Variants in CYP4F12 observed in about 807,000 individuals in gnomAD.
The protein encoded by CYP4F12 is cytochrome P450 4F12.
Under a neutral mutation model 56.5 loss-of-function variants are expected in CYP4F12, and 60 were observed. The ratio of observed to expected loss-of-function variants is 1.06; its 90% CI spans 0.86 to 1.32. CYP4F12 has a LOEUF of 1.32. CYP4F12 is among the 40% of genes most tolerant of loss of function. The pLI, the probability that CYP4F12 is intolerant of heterozygous loss-of-function variation, is 0.00. For missense variants in CYP4F12, 711 were observed against 683.5 expected (o/e 1.04, Z -0.45); for synonymous variants, 263 against 264.9 (o/e 0.99, Z 0.07).
chr19:15,690,805 C>T (rs945527929), intron 9 of CYP4F12, among the ~76,000 whole-genome samples: 1 of 152,190 alleles, frequency 6.6e-6, no homozygotes, highest in East Asian at 1.9e-4. Flanking sequence ...CTTGACATTC[C>T]TGCTATCCCA....
chr19:15,683,858 G>C, intron 7 of CYP4F12, 95 bp downstream of exon 7: 1 of 1,449,896 alleles, frequency 6.9e-7, no homozygotes, highest in Non-Finnish European at 9.1e-7. Flanking sequence ...AGGGCACTGG[G>C]AGCCATGGAA....
chr19:15,677,127 A>ACTCACTCATTCC (rs2006989797), intron 2 of CYP4F12, among the ~76,000 whole-genome samples: 2 of 8,894 alleles, frequency 2.2e-4, no homozygotes, highest in African/African-American at 3.6e-4. Flanking sequence ...TCACTCATTC[A>ACTCACTCATTCC]TATCCTCACT....
chr19:15,695,583 A>T (rs1281729157), intron 9 of CYP4F12, among the ~76,000 whole-genome samples: 1 of 151,558 alleles, frequency 6.6e-6, no homozygotes, highest in Non-Finnish European at 1.5e-5. Flanking sequence ...GCATCACGCT[A>T]AATAAGAGCA....
intron 9 of CYP4F12, among the ~76,000 whole-genome samples, chr19:15,685,763 C>T (rs1156274451): frequency 1.3e-5 from 2 of 152,160 alleles, no homozygotes; most frequent in African/African-American, 4.8e-5. Context: ...CCCTTCACTC[C>T]TTTCTTGTTT....
chr19:15,683,871 T>G lies in CYP4F12; in HGVS notation c.918+108T>G. 2.8e-6 allele frequency: 4 copies of G among 1,412,548 alleles called. 1 individual carries two copies. In the South Asian group the frequency reaches 6.3e-5, roughly 22 times the overall value. 87.5% of individuals were successfully genotyped at this position (1,412,548 alleles called of 1,614,324 possible). A position where few individuals can be genotyped will look rare whatever the true frequency, so the allele number is the denominator to read the frequency against. ...AAAGGGCACTGGGAGCCATGGAAGA[T>G]GCTTGAGAAAGGGAAGGTCACAGAT... On this transcript the variant is annotated intron_variant, in intron 7 of 12. Coordinates refer to ENST00000550308, the MANE Select transcript of CYP4F12 (RefSeq NM_023944.4).
chr19:15,682,167 A>T, intron 5 of CYP4F12: 1 of 475,972 alleles, frequency 2.1e-6, no homozygotes, highest in Non-Finnish European at 3.8e-6. Flanking sequence ...TAGGAGACAG[A>T]GCTGAGACTT....
rs149069327 is a variant in CYP4F12 at position 15,682,952 on chromosome 19, G to A, written c.647+442G>A. 3.1e-3 allele frequency among the ~76,000 whole-genome samples: 479 copies of A among 152,272 alleles called. 3 individuals carry two copies. Among genetic ancestry groups the A allele is most frequent in the African/African-American group, 0.01 (436 of 41,546 alleles). On this transcript the variant is annotated intron_variant, in intron 6 of 12. Transcript: ENST00000550308. ...GGGGTTCACCATGTTGTCCAGGCTGGTCTCAAATTCCTGACCTCAGGTGAT... is the reference window on the plus strand; with the variant it reads ...GGGGTTCACCATGTTGTCCAGGCTGATCTCAAATTCCTGACCTCAGGTGAT...
chr19:15,693,264 A>G (rs1282042649), intron 9 of CYP4F12, among the ~76,000 whole-genome samples: 1 of 152,194 alleles, frequency 6.6e-6, no homozygotes, highest in African/African-American at 2.4e-5. Flanking sequence ...CAAATTCTGA[A>G]CCAGATAATT....
intron 9 of CYP4F12, 126 bp downstream of exon 9, chr19:15,685,323 C>G: frequency 4.2e-6 from 6 of 1,416,724 alleles, no homozygotes; most frequent in Non-Finnish European, 4.7e-6. Flanking sequence ...AAGCAGAGGA[C>G]CACAGGCAGG....
chr19:15,677,965 C>CCTCTGCTCACTCATTT lies in CYP4F12; in HGVS notation c.199-292_199-291insGCTCACTCATTTCTCT, dbSNP rs1568415062. On this transcript the variant is annotated intron_variant, in intron 2 of 12. Coordinates refer to ENST00000550308, the MANE Select transcript of CYP4F12 (RefSeq NM_023944.4). ...TCATTCCTCTCCTCACTCACTCATT[C>CCTCTGCTCACTCATTT]CTCTCCTCACTCACTCATTCCTCTC... Among the ~76,000 whole-genome samples, 58 of 132,164 alleles carry CCTCTGCTCACTCATTT rather than the reference C, an allele frequency of 4.4e-4. 26 individuals are homozygous for CCTCTGCTCACTCATTT. Among genetic ancestry groups the CCTCTGCTCACTCATTT allele is most frequent in the Admixed American group, 9.3e-4 (12 of 12,972 alleles). The allele number at this position is 132,164 out of a possible 152,430, so 86.7% of individuals were successfully genotyped here.
At chr19:15,693,558 G>T (rs1468190549) in intron 9 of CYP4F12, among the ~76,000 whole-genome samples, 2 of 145,818 alleles carry the variant, frequency 1.4e-5, no homozygotes, top group African/African-American at 5.1e-5. Context: ...TTGTAAATTT[G>T]TTTGACTTCA....
chr19:15,680,934 C>T (rs10409183), intron 5 of CYP4F12: 278,314 of 303,036 alleles, frequency 0.92, 127,870 homozygotes, highest in East Asian at 1. Context: ...AGCTGTGGGT[C>T]GGGGGGCAGC....
chr19:15,696,022 G>A lies in CYP4F12; in HGVS notation c.1202G>A (p.Cys401Tyr). The A allele has an allele frequency of 6.2e-7, 1 of 1,614,026 alleles. No individual in the cohort carries two copies. Among genetic ancestry groups the A allele is most frequent in the Non-Finnish European group, 8.5e-7 (1 of 1,179,982 alleles). The part of the protein sequence containing the change: ...LHPPAPFISR[C>Y]CTQDIVLPDG... ...CCCCCAGCTCCCTTCATCTCCCGAT[G>A]CTGCACCCAGGACATTGTTCTCCCA... The change falls in exon 10 of 13, where the codon TGC (cysteine) becomes TAC (tyrosine). Residue 401 changes from cysteine (C) to tyrosine (Y), a missense_variant. By Grantham distance (194) the Cys-to-Tyr change is radical. Transcript: ENST00000550308.
At position 15,677,407 on chromosome 19, in the gene CYP4F12, CTCACTCATTTCTCTCCTCACTCATT is replaced by C. The variant is rs1467076466; in HGVS notation, c.199-853_199-829del. On this transcript the variant is annotated intron_variant, in intron 2 of 12. Transcript: ENST00000550308. Reference sequence around the variant, plus strand: ...GCTCACTCTCTCATTCCCCTCCTCACTCACTCATTTCTCTCCTCACTCATTCATTCCTTTACCCACTCACTCATTC... The same window carrying C: ...GCTCACTCTCTCATTCCCCTCCTCACCATTCCTTTACCCACTCACTCATTC... Among the ~76,000 whole-genome samples the C allele has an allele frequency of 0.023, 437 of 18,820 alleles. 213 individuals carry two copies. The East Asian group carries it at 0.71, about 31-fold the overall frequency. 12.3% of individuals were successfully genotyped at this position (18,820 alleles called of 152,430 possible).
intron 9 of CYP4F12, among the ~76,000 whole-genome samples, chr19:15,691,153 C>T (rs1026801433): frequency 6.6e-6 from 1 of 152,202 alleles, no homozygotes; most frequent in African/African-American, 2.4e-5. Flanking sequence ...AGCTTCTGGT[C>T]TGCATTGTGT....
In CYP4F12 at chr19:15,685,196, T is replaced by G; in HGVS notation, c.1114T>G (p.Trp372Gly). 2 of 1,613,874 alleles carry G rather than the reference T, an allele frequency of 1.2e-6. No individual in the cohort carries two copies. Among genetic ancestry groups the G allele is most frequent in the Non-Finnish European group, 1.7e-6 (2 of 1,179,812 alleles). Reference sequence around the variant, plus strand: ...GGACCGCGATCCTAAAGAGATTGAATGGTGAGTGCAAGTTCTTCTGGCCTG... The same window carrying G: ...GGACCGCGATCCTAAAGAGATTGAAGGGTGAGTGCAAGTTCTTCTGGCCTG... The part of the protein sequence containing the change: ...LKDRDPKEIE[W>G]DDLAQLPFLT... The change falls in exon 9 of 13, where the codon TGG becomes GGG. Residue 372 changes from tryptophan to glycine, a missense_variant and splice_region_variant. By Grantham distance (184) the Trp-to-Gly change is radical. Coordinates refer to ENST00000550308, the MANE Select transcript of CYP4F12 (RefSeq NM_023944.4).
intron 6 of CYP4F12, among the ~76,000 whole-genome samples, chr19:15,682,746 G>A (rs375780605): frequency 2.0e-4 from 30 of 152,318 alleles, no homozygotes; most frequent in African/African-American, 7.0e-4. Flanking sequence ...ATGAGGTTGT[G>A]GAAGTAGGGG....
At position 15,696,926 on chromosome 19, in the gene CYP4F12, G is replaced by A. The variant is rs1432460641; in HGVS notation, c.1416G>A (p.Ala472=). ...SAGPRNCIGQ[A]FAMAEMKVVL... ...CCTGCAGGAACTGCATCGGGCAGGC[G>A]TTCGCCATGGCGGAGATGAAAGTGG... is the stretch of plus-strand genomic sequence containing the variant. The change falls in exon 13 of 13, where the codon GCG becomes GCA. Residue 472 remains alanine (A), a synonymous_variant. Coordinates refer to ENST00000550308, the MANE Select transcript of CYP4F12 (RefSeq NM_023944.4). 3 of 1,613,546 alleles carry A rather than the reference G, an allele frequency of 1.9e-6. No homozygotes were observed. Among genetic ancestry groups the A allele is most frequent in the South Asian group, 1.1e-5 (1 of 91,042 alleles).
Position 15,683,590 on chromosome 19 carries a change from C to T in CYP4F12, c.745C>T (p.Leu249Phe). The T allele has an allele frequency of 1.2e-6, 2 of 1,614,186 alleles. No homozygotes were observed. The highest frequency in any genetic ancestry group is 1.7e-6 in the Non-Finnish European group (2 of 1,180,028). The change falls in exon 7 of 13, where the codon CTC (leucine) becomes TTC (phenylalanine). Residue 249 changes from leucine to phenylalanine, a missense_variant. Physicochemically the swap from Leu to Phe is conservative, Grantham distance 22. Transcript: ENST00000550308. ...ILQHMDFLYY[L>F]SHDGRRFHRA... The stretch of plus-strand genomic sequence containing the variant: ...CCAGCACATGGACTTTCTGTATTAC[C>T]TCTCCCATGACGGGCGGCGCTTCCA...
Sources: gnomAD v4.1 joint callset for allele counts (sites outside exome capture counted in the v4.1 genomes callset) on GRCh38, gnomAD v4.1.1 for gene constraint, MANE v1.5 for transcripts, NCBI Gene and HGNC (gene_info 2026-07-23, HGNC 2026-07-21) for gene names.